DOCK5: variants seen among roughly 807,000 people sequenced by gnomAD.
DOCK5 encodes the protein dedicator of cytokinesis protein 5.
A neutral mutation model predicts 251.8 loss-of-function variants in DOCK5; 142 were observed. The observed-to-expected ratio is 0.56, with a 90% CI of 0.49 to 0.65. The LOEUF (loss-of-function observed/expected upper bound fraction) is 0.65. DOCK5 is among the 30% of genes least tolerant of loss of function. DOCK5 has a pLI of 0.00. For missense variants in DOCK5, 2,111 were observed against 2,312.3 expected, an observed-to-expected ratio of 0.91 and a Z score of 1.79; for synonymous variants, 842 against 835.5, an observed-to-expected ratio of 1.01 and a Z score of -0.13.
intron 34 of DOCK5, 68 bp downstream of exon 34, chr8:25,369,709 TG>T: frequency 7.2e-7 from 1 of 1,395,554 alleles, no homozygotes; most frequent in Non-Finnish European, 9.9e-7. Flanking sequence ...ACAGGGGTCC[TG>T]TTTCACCAAT....
intron 2 of DOCK5, among the ~76,000 whole-genome samples, chr8:25,259,824 A>G (rs1803524765): frequency 6.6e-6 from 1 of 152,226 alleles, no homozygotes; most frequent in Admixed American, 6.5e-5. Flanking sequence ...ATATCTGGCT[A>G]TCTCAAATCC....
intron 40 of DOCK5, among the ~76,000 whole-genome samples, chr8:25,385,485 T>C (rs1220853782): frequency 6.6e-6 from 1 of 152,140 alleles, no homozygotes; most frequent in Non-Finnish European, 1.5e-5. Flanking sequence ...TTTCTGGGCT[T>C]CTGGCCTGCA....
intron 18 of DOCK5, among the ~76,000 whole-genome samples, chr8:25,330,275 C>T (rs1805653012): frequency 6.6e-6 from 1 of 152,154 alleles, no homozygotes. Context: ...GGTTCCCTTT[C>T]CGTTCATTCA....
At position 25,210,669 on chromosome 8, in the gene DOCK5, C is replaced by A. The variant is rs1012205327; in HGVS notation, c.43+25718C>A. ...ATCCCAGCTACTTGGGAGGCTGAGG[C>A]ATGAGAATTGCTTGAGCCTGGGAGG... On this transcript the variant is annotated intron_variant, in intron 1 of 51. Coordinates refer to ENST00000276440, the MANE Select transcript of DOCK5 (RefSeq NM_024940.8). Among the ~76,000 whole-genome samples the A allele has an allele frequency of 4.4e-4, 31 of 70,616 alleles. 12 individuals are homozygous for A. The South Asian group carries it at 0.012, about 27-fold the overall frequency. The allele number at this position is 70,616 out of a possible 152,430, so 46.3% of individuals were successfully genotyped here.
chr8:25,407,794 G>C (rs1801548030), intron 48 of DOCK5, among the ~76,000 whole-genome samples, 189 bp from the exon 49 acceptor site: 1 of 148,570 alleles, frequency 6.7e-6, no homozygotes, highest in Admixed American at 6.8e-5. Flanking sequence ...CCACTCAGAA[G>C]TCAAGGTTAT....
chr8:25,359,565 C>T (rs1586360645), intron 28 of DOCK5, among the ~76,000 whole-genome samples: 1 of 152,238 alleles, frequency 6.6e-6, no homozygotes. Flanking sequence ...GCATTAACTC[C>T]TGAGCTCCGC....
chr8:25,187,244 TACAC>T (rs140693933), intron 1 of DOCK5, among the ~76,000 whole-genome samples: 124 of 136,322 alleles, frequency 9.1e-4, no homozygotes, highest in Non-Finnish European at 1.4e-3. Flanking sequence ...TATATATATA[TACAC>T]ACACACACAC....
chr8:25,233,489 T>C (rs2117524648), intron 1 of DOCK5, among the ~76,000 whole-genome samples: 1 of 152,312 alleles, frequency 6.6e-6, no homozygotes. Flanking sequence ...TGAAAGATCT[T>C]GGTTCCAAAG....
intron 26 of DOCK5, among the ~76,000 whole-genome samples, chr8:25,346,824 CAAA>C (rs11320370): frequency 5.0e-5 from 6 of 119,232 alleles, no homozygotes; most frequent in African/African-American, 3.1e-5. Context: ...ACTCCAACTC[CAAA>C]AAAAAAAAAA....
intron 2 of DOCK5, among the ~76,000 whole-genome samples, chr8:25,264,144 C>T (rs541667969): frequency 8.6e-5 from 13 of 151,738 alleles, no homozygotes; most frequent in Admixed American, 5.9e-4. Context: ...AGGCGAACCG[C>T]TTGAGTCCAG....
intron 2 of DOCK5, 87 bp downstream of exon 2, chr8:25,243,844 A>G: frequency 4.9e-6 from 6 of 1,232,434 alleles, no homozygotes; most frequent in Non-Finnish European, 6.9e-6. Context: ...GTAAACATCA[A>G]CATGCTTGAC....
chr8:25,382,526 G>T, intron 39 of DOCK5, 148 bp from the exon 40 acceptor site: 1 of 650,956 alleles, frequency 1.5e-6, no homozygotes, highest in Non-Finnish European at 2.6e-6. Flanking sequence ...CCGAGAATAG[G>T]ATAACCCTTT....
chr8:25,344,144 A>C (rs1276466328), intron 25 of DOCK5, among the ~76,000 whole-genome samples: 1 of 152,194 alleles, frequency 6.6e-6, no homozygotes, highest in Non-Finnish European at 1.5e-5. Context: ...GGCAGAAGCC[A>C]GATTACTAGT....
At chr8:25,234,323 CAG>C (rs1006843263) in intron 1 of DOCK5, among the ~76,000 whole-genome samples, 3 of 152,174 alleles carry the variant, frequency 2.0e-5, no homozygotes, top group South Asian at 2.1e-4. Flanking sequence ...CTTAGCTCAA[CAG>C]AGTCTTAGAT....
chr8:25,252,845 T>A (rs1025917337), intron 2 of DOCK5, among the ~76,000 whole-genome samples: 7 of 152,342 alleles, frequency 4.6e-5, no homozygotes, highest in Non-Finnish European at 7.3e-5. Flanking sequence ...TTTATTTATT[T>A]TTTTGAGACA....
At chr8:25,267,343 C>T (rs1473262727) in intron 2 of DOCK5, among the ~76,000 whole-genome samples, 1 of 152,194 alleles carries the variant, frequency 6.6e-6, no homozygotes, top group African/African-American at 2.4e-5. Context: ...CAAATCCTTT[C>T]AATGTCTGAA....
intron 1 of DOCK5, among the ~76,000 whole-genome samples, chr8:25,239,341 ATGTG>A (rs55869213): frequency 7.7e-4 from 109 of 142,272 alleles, no homozygotes; most frequent in East Asian, 2.0e-3. Context: ...GTGTGTGTGT[ATGTG>A]TGTGTGTGTG....
At chr8:25,238,994 G>T (rs913207012) in intron 1 of DOCK5, among the ~76,000 whole-genome samples, 2 of 152,206 alleles carry the variant, frequency 1.3e-5, no homozygotes, top group Admixed American at 1.3e-4. Context: ...TGCGCTGGAA[G>T]GGAAAATTGT....
chr8:25,332,785 C>A, intron 20 of DOCK5, 93 bp downstream of exon 20: 2 of 929,902 alleles, frequency 2.2e-6, no homozygotes, highest in South Asian at 1.9e-5. Flanking sequence ...AATATCTTCT[C>A]ACATAAATAT....
Sources: gnomAD v4.1 joint callset for allele counts (sites outside exome capture counted in the v4.1 genomes callset) on GRCh38, gnomAD v4.1.1 for gene constraint, MANE v1.5 for transcripts, NCBI Gene and HGNC (gene_info 2026-07-23, HGNC 2026-07-21) for gene names.